FLT4: variants seen among roughly 807,000 people sequenced by gnomAD.
The protein encoded by FLT4 is vascular endothelial growth factor receptor 3.
In FLT4, 30 loss-of-function variants were observed where a neutral mutation model predicts 163.2. The observed-to-expected ratio is 0.18, with a 90% confidence interval of 0.14 to 0.25. FLT4 has a LOEUF of 0.25. Among genes scored for constraint, FLT4 ranks in the 10% least tolerant of loss-of-function variants. The probability of loss-of-function intolerance (pLI) is 1.00; values close to 1 mark genes in which losing one functional copy is unlikely to be tolerated. For synonymous variants in FLT4, 884 were observed against 789.5 expected (o/e 1.12, Z -2.01); for missense variants, 1,510 against 1,863.8 (o/e 0.81, Z 3.50).
At position 180,604,278 on chromosome 5, in the gene FLT4, C is replaced by T. The variant is rs149067729; in HGVS notation, c.3894-888G>A. Among the ~76,000 whole-genome samples, 1,051 of 152,316 alleles carry T rather than the reference C, an allele frequency of 6.9e-3. 15 individuals are homozygous for T. Among genetic ancestry groups the T allele is most frequent in the African/African-American group, 0.025 (1,025 of 41,572 alleles). ...TCTCAGTGAACGGCACCACCGTCCC[C>T]TCAGCCGCTCAAGCCAAGCACCCTG... On this transcript the variant is annotated intron_variant, in intron 29 of 29. Coordinates refer to ENST00000261937, the MANE Select transcript of FLT4 (RefSeq NM_182925.5).
chr5:180,618,078 TC>T (rs202124106), intron 21 of FLT4, among the ~76,000 whole-genome samples: 5 of 48,140 alleles, frequency 1.0e-4, no homozygotes, highest in African/African-American at 4.4e-4. Flanking sequence ...CACGTCCTAC[TC>T]CCAGAGCACC....
chr5:180,616,277 C>T, intron 23 of FLT4, 90 bp downstream of exon 23: 2 of 1,570,812 alleles, frequency 1.3e-6, no homozygotes, highest in Non-Finnish European at 1.7e-6. Context: ...CACCCTGTGC[C>T]AGCCCTCCCT....
chr5:180,631,548 G>C, intron 2 of FLT4, 134 bp downstream of exon 2: 1 of 731,664 alleles, frequency 1.4e-6, no homozygotes, highest in Admixed American at 1.9e-5. Context: ...CAGCCTGGGA[G>C]ACCACACGGC....
At chr5:180,641,786 C>T (rs559786122) in intron 1 of FLT4, among the ~76,000 whole-genome samples, 2 of 152,374 alleles carry the variant, frequency 1.3e-5, no homozygotes, top group African/African-American at 4.8e-5. Flanking sequence ...GGGCACCCCG[C>T]ACTGCCGCTC....
intron 29 of FLT4, among the ~76,000 whole-genome samples, chr5:180,605,419 T>C (rs1362175163): frequency 1.3e-5 from 2 of 152,174 alleles, no homozygotes; most frequent in Non-Finnish European, 2.9e-5. Flanking sequence ...TGTTGGAGCA[T>C]TTTGCTCGTT....
intron 23 of FLT4, 88 bp from the exon 24 acceptor site, chr5:180,614,267 C>T (rs1762450127): frequency 3.9e-6 from 3 of 769,752 alleles, no homozygotes; most frequent in South Asian, 1.6e-5. Flanking sequence ...CGGAGGGAAG[C>T]GTGTCCTGCG....
chr5:180,617,060 G>A, intron 21 of FLT4, 66 bp from the exon 22 acceptor site: 1 of 1,178,068 alleles, frequency 8.5e-7, no homozygotes, highest in South Asian at 1.2e-5. Flanking sequence ...CCCAGCCCCA[G>A]GGAACAGCTA....
At position 180,625,587 on chromosome 5, in the gene FLT4, G is replaced by A. The variant is rs1298576717; in HGVS notation, c.1421+282C>T. Among the ~76,000 whole-genome samples, 4 of 152,362 alleles carry A rather than the reference G, an allele frequency of 2.6e-5. No homozygotes were observed. The East Asian group carries it at 7.7e-4, about 29-fold the overall frequency. ...TCCAGATGATGCAATTACGTGTCCA[G>A]AGGTCTTCGCTCTTGAGGGAGGTGG... On this transcript the variant is annotated intron_variant, in intron 10 of 29. Transcript: ENST00000261937.
Position 180,607,018 on chromosome 5 carries a change from C to T in FLT4, c.3893+1950G>A, listed in dbSNP as rs182494926. ...ACGTGAACCCGGGAGGTGGAGGTTG[C>T]GGTGAGCCGAGATCGCACCACTGCA... On this transcript the variant is annotated intron_variant, in intron 29 of 29. Transcript: ENST00000261937. Among the ~76,000 whole-genome samples the T allele has an allele frequency of 3.8e-3, 575 of 152,134 alleles. 6 individuals are homozygous for T. Among genetic ancestry groups the T allele is most frequent in the Non-Finnish European group, 4.1e-3 (279 of 68,010 alleles).
Position 180,640,070 on chromosome 5 carries a change from G to A in FLT4, c.59-8292C>T, listed in dbSNP as rs150781251. Among the ~76,000 whole-genome samples, 156 of 152,308 alleles carry A rather than the reference G, an allele frequency of 1.0e-3. 2 individuals carry two copies. The South Asian group carries it at 0.021, about 20-fold the overall frequency. The stretch of plus-strand genomic sequence containing the variant: ...CGTCCTCGGGCCACGGGGCCTTGGC[G>A]TCAGCCACAGGCGTGGCGGGCGTGG... On this transcript the variant is annotated intron_variant, in intron 1 of 29. Transcript: ENST00000261937.
rs201584222 is a variant in FLT4 at position 180,614,193 on chromosome 5, G to A, written c.3220-14C>T. On this transcript the variant is annotated splice_polypyrimidine_tract_variant and intron_variant, in intron 23 of 29. Coordinates refer to ENST00000261937, the MANE Select transcript of FLT4 (RefSeq NM_182925.5). ...GGGCAGCCGGGCCTGGGGAGACAGA[G>A]GGAAGCTTGTCCCGTGGTGGATGGG... 33 of 1,583,034 alleles carry A rather than the reference G, an allele frequency of 2.1e-5. No individual in the cohort carries two copies. Among genetic ancestry groups the A allele is most frequent in the Non-Finnish European group, 2.8e-5 (32 of 1,154,970 alleles).
At position 180,611,558 on chromosome 5, in the gene FLT4, A is replaced by ACCCTCAGCCCTCG. The variant is rs1762198490; in HGVS notation, c.3538-80_3538-79insCGAGGGCTGAGGG. The ACCCTCAGCCCTCG allele has an allele frequency of 3.1e-6, 4 of 1,302,814 alleles. No homozygotes were observed. The Admixed American group carries it at 9.9e-5, about 32-fold the overall frequency. 80.7% of individuals were successfully genotyped at this position (1,302,814 alleles called of 1,614,324 possible). A position where few individuals can be genotyped will look rare whatever the true frequency, so the allele number is the denominator to read the frequency against. ...GCCCTCGCCCCCACCCTCAGCCCTCACCCCCGCCCTCAGCCCTCACCCCCG... is the reference window on the plus strand; with the variant it reads ...GCCCTCGCCCCCACCCTCAGCCCTCACCCTCAGCCCTCGCCCCCGCCCTCAGCCCTCACCCCCG... On this transcript the variant is annotated intron_variant, in intron 26 of 29. Transcript: ENST00000261937.
Position 180,636,833 on chromosome 5 carries a change from C to G in FLT4, c.59-5055G>C, listed in dbSNP as rs1764725793. On this transcript the variant is annotated intron_variant, in intron 1 of 29. Coordinates refer to ENST00000261937, the MANE Select transcript of FLT4 (RefSeq NM_182925.5). This position sits in a 1 kb window ranked among gnomAD's most constrained non-coding sequence, Gnocchi z 4.3. ...TTCCTCCCCACCCCTTGGTGCCCTC[C>G]CGGTGCTGCCCCGTCCTGGTGCGTG... 6.6e-6 allele frequency among the ~76,000 whole-genome samples: 1 copy of G among 152,086 alleles called. No homozygotes were observed. Among genetic ancestry groups the G allele is most frequent in the Non-Finnish European group, 1.5e-5 (1 of 68,016 alleles).
rs1252123390 is a variant in FLT4, at chr5:180,623,566, G to A, written c.1548+369C>T. 2.6e-5 allele frequency among the ~76,000 whole-genome samples: 4 copies of A among 152,286 alleles called. No homozygotes were observed. Among genetic ancestry groups the A allele is most frequent in the South Asian group, 2.1e-4 (1 of 4,826 alleles). ...CTTTGTTCAGTACCCCCTTCTCGGC[G>A]TTGCCCCCAGGCTGCGCCAGCGGCT... On this transcript the variant is annotated intron_variant, in intron 11 of 29. Coordinates refer to ENST00000261937, the MANE Select transcript of FLT4 (RefSeq NM_182925.5). This position sits in a 1 kb window ranked among gnomAD's most constrained non-coding sequence, Gnocchi z 5.8.
rs771957692 is a variant in FLT4 at position 180,629,404 on chromosome 5, G to A, written c.840C>T (p.Pro280=). The change falls in exon 7 of 30, where the codon CCC becomes CCT. Residue 280 remains proline, a synonymous_variant. Transcript: ENST00000261937. ...TGTGGGTCTGCTGGGAGCGTCGCTC[G>A]GGCACCCACTTACCCCGCTCTGCCT... ...GKQAERGKWV[P]ERRSQQTHTE... The A allele has an allele frequency of 5.2e-5, 84 of 1,611,386 alleles. No individual in the cohort carries two copies. In the Admixed American group the frequency reaches 6.8e-4, roughly 13 times the overall value.
chr5:180,602,755 A>G lies in FLT4; in HGVS notation c.*437T>C. 1 of 462,566 alleles carries G rather than the reference A, an allele frequency of 2.2e-6. No individual in the cohort carries two copies. The highest frequency in any genetic ancestry group is 3.8e-6 in the Non-Finnish European group (1 of 264,258). 28.7% of individuals were successfully genotyped at this position (462,566 alleles called of 1,614,324 possible). On this transcript the variant is annotated 3_prime_UTR_variant, in exon 30 of 30. Coordinates refer to ENST00000261937, the MANE Select transcript of FLT4 (RefSeq NM_182925.5). ...GAGTAGCTGTGTGCCTGAGGAGGAA[A>G]GGGCGTTTGGGAGACCTCTGCTCTC...
chr5:180,644,934 T>C (rs2127871084), intron 1 of FLT4, among the ~76,000 whole-genome samples: 1 of 152,206 alleles, frequency 6.6e-6, no homozygotes, highest in East Asian at 1.9e-4. Context: ...CCCTTCCGCT[T>C]GGAGCAGCAC....
chr5:180,631,812 G>A (rs1382644137), intron 1 of FLT4, 34 bp from the exon 2 acceptor site: 2 of 1,479,014 alleles, frequency 1.4e-6, no homozygotes, highest in South Asian at 2.3e-5. Context: ...GTGGTGCTGG[G>A]CTGTGACTTG....
In FLT4 at chr5:180,634,808, GGA is replaced by G. The variant is rs1764431963; in HGVS notation, c.59-3032_59-3031del. Among the ~76,000 whole-genome samples, 2 of 1,528 alleles carry G rather than the reference GGA, an allele frequency of 1.3e-3. 1 individual carries two copies. Among genetic ancestry groups the G allele is most frequent in the African/African-American group, 3.4e-3 (2 of 596 alleles). 1.0% of individuals were successfully genotyped at this position (1,528 alleles called of 152,430 possible). The stretch of plus-strand genomic sequence containing the variant: ...CGGATGAGTGGACAGACAGATGGGT[GGA>G]TGGGTGGGTGGGTGGGTGGGAGGAT... On this transcript the variant is annotated intron_variant, in intron 1 of 29. Transcript: ENST00000261937.
Sources: gnomAD v4.1 joint callset for allele counts (sites outside exome capture counted in the v4.1 genomes callset) on GRCh38, gnomAD v4.1.1 for gene constraint, Gnocchi (gnomAD v3.1) non-coding constraint, MANE v1.5 for transcripts, NCBI Gene and HGNC (gene_info 2026-07-23, HGNC 2026-07-21) for gene names.